GLIS3: variants seen among roughly 807,000 people sequenced by gnomAD.
The protein encoded by GLIS3 is GLIS family zinc finger 3, also known as zinc finger protein GLIS3.
In GLIS3, 53 loss-of-function variants were observed where a neutral mutation model predicts 78.6. That is an observed-to-expected ratio of 0.67 (90% CI 0.54 to 0.85). GLIS3 has a LOEUF of 0.85. Ranked by LOEUF, GLIS3 falls within the 40% of genes least tolerant of loss-of-function variation. The probability of loss-of-function intolerance (pLI) is 0.00; values close to 1 mark genes in which losing one functional copy is unlikely to be tolerated. For missense variants in GLIS3, 1,703 were observed against 1,231.1 expected (o/e 1.38, Z -5.74); for synonymous variants, 684 against 509.9 (o/e 1.34, Z -4.60).
At chr9:4,416,740 C>G in the GLIS3 span, among the ~76,000 whole-genome samples, 2 of 151,736 alleles carry the variant, frequency 1.3e-5, no homozygotes, top group Non-Finnish European at 2.9e-5. Flanking sequence ...GACAGACTCG[C>G]CTCCACTAAG....
At chr9:3,935,719 T>C (rs1825866290) in intron 5 of GLIS3, among the ~76,000 whole-genome samples, 2 of 152,204 alleles carry the variant, frequency 1.3e-5, no homozygotes, top group Non-Finnish European at 2.9e-5. Context: ...TAACACAATT[T>C]ATTCTTTTTT....
chr9:3,897,379 A>G (rs1822926332), intron 7 of GLIS3, among the ~76,000 whole-genome samples: 1 of 152,212 alleles, frequency 6.6e-6, no homozygotes. Flanking sequence ...AAATGTTCAT[A>G]TATCAAATAC....
At chr9:4,169,313 A>G (rs1394556243) in intron 2 of GLIS3, among the ~76,000 whole-genome samples, 1 of 152,220 alleles carries the variant, frequency 6.6e-6, no homozygotes. Context: ...GGAAGTTACT[A>G]ACCAGTTTGA....
chr9:3,975,162 G>A (rs1818674025), intron 4 of GLIS3: 1 of 152,142 alleles, frequency 6.6e-6, no homozygotes, highest in Admixed American at 6.6e-5. Context: ...AAACCTTGGT[G>A]AGTCTAGCCC....
chr9:4,358,193 A>G, the GLIS3 span, among the ~76,000 whole-genome samples: 1 of 152,188 alleles, frequency 6.6e-6, no homozygotes, highest in Non-Finnish European at 1.5e-5. Context: ...AAGGCTGCAT[A>G]AACTGTAAAT....
the GLIS3 span, among the ~76,000 whole-genome samples, chr9:4,368,027 G>C: frequency 1.3e-5 from 2 of 152,294 alleles, no homozygotes; most frequent in African/African-American, 2.4e-5. Flanking sequence ...ACTTTCTACT[G>C]TATGATGTTT....
the GLIS3 span, among the ~76,000 whole-genome samples, chr9:4,422,037 C>T: frequency 1.3e-5 from 2 of 152,220 alleles, no homozygotes; most frequent in African/African-American, 4.8e-5. Context: ...ATAGAAACCA[C>T]AGACATGTTC....
At chr9:4,250,406 G>A (rs971655886) in intron 2 of GLIS3, among the ~76,000 whole-genome samples, 3 of 152,166 alleles carry the variant, frequency 2.0e-5, no homozygotes. Flanking sequence ...TTTGCAGAGA[G>A]GTGTTTATAG....
chr9:4,320,390 C>CA (rs1255624511), intron 2 of GLIS3, among the ~76,000 whole-genome samples: 1 of 152,140 alleles, frequency 6.6e-6, no homozygotes, highest in Non-Finnish European at 1.5e-5. Flanking sequence ...TTCAGTTCAC[C>CA]ATGCCTCAAA....
chr9:3,937,214 T>A, intron 4 of GLIS3, 25 bp from the exon 5 acceptor site: 2 of 1,613,690 alleles, frequency 1.2e-6, no homozygotes, highest in Non-Finnish European at 1.7e-6. Flanking sequence ...CAATTTTTGG[T>A]GGTTGAGAAG....
chr9:3,957,422 C>A (rs1018298045), intron 4 of GLIS3, among the ~76,000 whole-genome samples: 1 of 152,156 alleles, frequency 6.6e-6, no homozygotes, highest in East Asian at 1.9e-4. Flanking sequence ...ACTGAGCCTG[C>A]GTGTGCAGGA....
chr9:4,294,312 C>A (rs1026808223), intron 1 of GLIS3, among the ~76,000 whole-genome samples: 4 of 152,128 alleles, frequency 2.6e-5, no homozygotes, highest in African/African-American at 9.7e-5. Context: ...AGTTCGAGAC[C>A]AGTCTGACTA....
At chr9:4,458,260 T>C in the GLIS3 span, among the ~76,000 whole-genome samples, 9 of 152,178 alleles carry the variant, frequency 5.9e-5, no homozygotes, top group Non-Finnish European at 4.4e-5. Context: ...GCTATCGTTT[T>C]GGGGCCCAAC....
chr9:4,171,653 G>A (rs1235469788), intron 2 of GLIS3, among the ~76,000 whole-genome samples: 2 of 152,184 alleles, frequency 1.3e-5, no homozygotes, highest in Admixed American at 1.3e-4. Flanking sequence ...GTCATCACAT[G>A]ATATAAAATT....
chr9:4,238,721 C>G (rs1415187166), intron 2 of GLIS3, among the ~76,000 whole-genome samples: 1 of 152,204 alleles, frequency 6.6e-6, no homozygotes, highest in African/African-American at 2.4e-5. Flanking sequence ...TTCTTATCCA[C>G]TATACTGTGT....
At chr9:4,332,780 G>A (rs1020560810) in intron 2 of GLIS3, among the ~76,000 whole-genome samples, 3 of 152,090 alleles carry the variant, frequency 2.0e-5, no homozygotes, top group South Asian at 2.1e-4. Context: ...ATGTACATAG[G>A]TGTTCCTCTA....
At chr9:3,905,741 C>A (rs765078450) in intron 6 of GLIS3, among the ~76,000 whole-genome samples, 11 of 152,286 alleles carry the variant, frequency 7.2e-5, no homozygotes, top group East Asian at 1.9e-4. Flanking sequence ...CAGGGAGTCA[C>A]TGAACTCAGT....
intron 2 of GLIS3, among the ~76,000 whole-genome samples, chr9:4,151,682 T>C (rs1834692215): frequency 6.6e-6 from 1 of 152,220 alleles, no homozygotes; most frequent in Non-Finnish European, 1.5e-5. Flanking sequence ...ATCTTTGTTC[T>C]AAGGAAAAAA....
intron 2 of GLIS3, among the ~76,000 whole-genome samples, chr9:4,189,303 C>T (rs548324581): frequency 6.0e-4 from 91 of 152,178 alleles, no homozygotes; most frequent in African/African-American, 2.1e-3. Flanking sequence ...TGTAGCTGAG[C>T]GGTTTTGAGT....
Sources: gnomAD v4.1 joint callset for allele counts (sites outside exome capture counted in the v4.1 genomes callset) on GRCh38, gnomAD v4.1.1 for gene constraint, MANE v1.5 for transcripts, NCBI Gene and HGNC (gene_info 2026-07-23, HGNC 2026-07-21) for gene names.